Variants in BACH1 observed in about 807,000 individuals in gnomAD.
BACH1 encodes BTB domain and CNC homolog 1.
Under a neutral mutation model 52.9 loss-of-function variants are expected in BACH1, and 35 were observed. That is an observed-to-expected ratio of 0.66 (90% CI 0.51 to 0.88). The LOEUF (loss-of-function observed/expected upper bound fraction) is 0.88. Ranked by LOEUF, BACH1 falls within the 40% of genes least tolerant of loss-of-function variation. BACH1 has a pLI of 0.00. For missense variants in BACH1, 808 were observed against 872.6 expected (o/e 0.93, Z 0.93); for synonymous variants, 321 against 319.6 (o/e 1.00, Z -0.05).
intron 2 of BACH1, among the ~76,000 whole-genome samples, chr21:29,356,345 A>C (rs2089234586): frequency 6.6e-6 from 1 of 152,164 alleles, no homozygotes; most frequent in African/African-American, 2.4e-5. Flanking sequence ...TATTAATAAA[A>C]CCTCATTCAG....
chr21:29,357,962 C>G (rs971119271), intron 2 of BACH1, among the ~76,000 whole-genome samples: 7 of 152,180 alleles, frequency 4.6e-5, no homozygotes, highest in African/African-American at 1.7e-4. Context: ...ATCCGCTTCT[C>G]CCACTCACCT....
At chr21:29,350,664 A>G (rs2089197038), downstream of BACH1, among the ~76,000 whole-genome samples, 1 of 152,234 alleles carries the variant, frequency 6.6e-6, no homozygotes, top group African/African-American at 2.4e-5. Flanking sequence ...ATGGCCATGC[A>G]GGGCAGAGGA....
intron 4 of BACH1, among the ~76,000 whole-genome samples, chr21:29,331,024 G>A (rs1009688175): frequency 5.9e-5 from 9 of 151,396 alleles, no homozygotes; most frequent in Non-Finnish European, 1.2e-4. Flanking sequence ...TAAAACCAAG[G>A]AGGAAAAGTT....
intron 1 of BACH1, among the ~76,000 whole-genome samples, chr21:29,310,391 TA>T (rs1178926924): frequency 6.6e-6 from 1 of 152,228 alleles, no homozygotes; most frequent in Non-Finnish European, 1.5e-5. Flanking sequence ...TTTAATTATA[TA>T]TCCTAACAAG....
At chr21:29,338,788 A>G (rs1378246714) in intron 4 of BACH1, among the ~76,000 whole-genome samples, 3 of 152,098 alleles carry the variant, frequency 2.0e-5, no homozygotes, top group Non-Finnish European at 4.4e-5. Flanking sequence ...TACCCTATTC[A>G]TAGCTACTTC....
At chr21:29,356,224 A>C (rs1193276546) in intron 2 of BACH1, among the ~76,000 whole-genome samples, 1 of 152,228 alleles carries the variant, frequency 6.6e-6, no homozygotes, top group East Asian at 1.9e-4. Context: ...GGGAACAGAT[A>C]GGGTCTGATT....
Position 29,335,710 on chromosome 21 carries a change from ATC to A in BACH1, c.1776+6019_1776+6020del, listed in dbSNP as rs2089036724. On this transcript the variant is annotated intron_variant, in intron 4 of 4. Transcript: ENST00000286800. Reference sequence around the variant, plus strand: ...CGCCTTTGTCTCTCCACCTCAGATCATCTGTCTATACCTGTTGGTTTGTCAGT... The same window carrying A: ...CGCCTTTGTCTCTCCACCTCAGATCATGTCTATACCTGTTGGTTTGTCAGT... Among the ~76,000 whole-genome samples the A allele has an allele frequency of 1.3e-5, 2 of 152,192 alleles. 1 individual carries two copies. The highest frequency in any genetic ancestry group is 4.1e-4 in the South Asian group (2 of 4,836).
chr21:29,306,175 T>A (rs1390601588), intron 1 of BACH1, among the ~76,000 whole-genome samples: 1 of 122,262 alleles, frequency 8.2e-6, no homozygotes, highest in African/African-American at 3.5e-5. Flanking sequence ...GAAGAGTGTG[T>A]GTGTGTGTGT....
intron 1 of BACH1, among the ~76,000 whole-genome samples, chr21:29,311,886 T>G (rs550704735): frequency 1.5e-4 from 23 of 152,370 alleles, no homozygotes; most frequent in African/African-American, 5.3e-4. Flanking sequence ...TAGTTATAAT[T>G]AAGTCTCTCA....
At chr21:29,337,929 TAAAAC>T (rs1021860510) in intron 4 of BACH1, among the ~76,000 whole-genome samples, 8 of 151,772 alleles carry the variant, frequency 5.3e-5, no homozygotes, top group Non-Finnish European at 7.4e-5. Flanking sequence ...AACTCCGTCT[TAAAAC>T]AAAAACAAAA....
At chr21:29,307,584 C>T (rs1358691492) in intron 1 of BACH1, among the ~76,000 whole-genome samples, 3 of 152,182 alleles carry the variant, frequency 2.0e-5, no homozygotes, top group African/African-American at 7.2e-5. Flanking sequence ...ATCACATTCA[C>T]ATAACTTTTA....
chr21:29,358,850 A>C (rs955795164), intron 2 of BACH1, among the ~76,000 whole-genome samples: 4 of 151,734 alleles, frequency 2.6e-5, no homozygotes, highest in African/African-American at 9.7e-5. Flanking sequence ...CTAAATAGAA[A>C]GAAGTAAAAA....
At chr21:29,326,028 A>C (rs1006007967) in intron 2 of BACH1, 31 bp from the exon 3 acceptor site, 1 of 1,559,164 alleles carries the variant, frequency 6.4e-7, no homozygotes, top group African/African-American at 1.4e-5. Context: ...CTTTCAAATG[A>C]TGTGTTTGTT....
intron 3 of BACH1, among the ~76,000 whole-genome samples, chr21:29,328,563 A>G (rs1481394383): frequency 6.6e-6 from 1 of 152,076 alleles, no homozygotes; most frequent in Non-Finnish European, 1.5e-5. Flanking sequence ...AAGAATACTT[A>G]ACATGGGATC....
downstream of BACH1, among the ~76,000 whole-genome samples, chr21:29,350,255 C>T (rs892285561): frequency 2.0e-5 from 3 of 152,214 alleles, no homozygotes; most frequent in Admixed American, 6.5e-5. Context: ...ACTACCCAAA[C>T]TCTGCTCTTC....
intron 1 of BACH1, among the ~76,000 whole-genome samples, chr21:29,306,187 TGTG>T (rs1325199450): frequency 6.6e-6 from 1 of 151,188 alleles, no homozygotes; most frequent in Non-Finnish European, 1.5e-5. Flanking sequence ...TGTGTGTGTG[TGTG>T]TGTGTGTGTG....
intron 1 of BACH1, among the ~76,000 whole-genome samples, chr21:29,311,984 G>A (rs994519181): frequency 6.6e-6 from 1 of 152,252 alleles, no homozygotes; most frequent in Non-Finnish European, 1.5e-5. Context: ...GTTATAAAGT[G>A]CTATTAATCT....
intron 1 of BACH1, among the ~76,000 whole-genome samples, chr21:29,316,890 A>C (rs1208685037): frequency 6.6e-6 from 1 of 152,174 alleles, no homozygotes; most frequent in Non-Finnish European, 1.5e-5. Context: ...AAAGCTGTCC[A>C]AGAAATTTTC....
At chr21:29,306,208 G>A (rs925068083) in intron 1 of BACH1, among the ~76,000 whole-genome samples, 4 of 141,162 alleles carry the variant, frequency 2.8e-5, no homozygotes, top group African/African-American at 1.1e-4. Context: ...GTGTGTGTGT[G>A]TGTATTTAAA....
Sources: gnomAD v4.1 joint callset for allele counts (sites outside exome capture counted in the v4.1 genomes callset) on GRCh38, gnomAD v4.1.1 for gene constraint, MANE v1.5 for transcripts, NCBI Gene and HGNC (gene_info 2026-07-23, HGNC 2026-07-21) for gene names.